The following THEMIS variants were observed in gnomAD, a reference collection of about 807,000 sequenced individuals.
THEMIS encodes the protein thymocyte selection associated.
Under a neutral mutation model 52.6 loss-of-function variants are expected in THEMIS, and 37 were observed. The ratio of observed to expected loss-of-function variants is 0.70; its 90% CI spans 0.54 to 0.93. The LOEUF (loss-of-function observed/expected upper bound fraction) is 0.93, where lower values mean the gene tolerates loss of function less well. THEMIS is among the 40% of genes least tolerant of loss of function. The probability of loss-of-function intolerance (pLI) is 0.00; values close to 1 mark genes in which losing one functional copy is unlikely to be tolerated. For synonymous variants in THEMIS, 292 were observed against 272.7 expected (o/e 1.07, Z -0.70); for missense variants, 808 against 763.1 (o/e 1.06, Z -0.69).
chr6:127,706,775 C>A (rs1773812324), downstream of THEMIS, among the ~76,000 whole-genome samples: 1 of 151,914 alleles, frequency 6.6e-6, no homozygotes, highest in Admixed American at 6.6e-5. Flanking sequence ...TGGATAAAGC[C>A]TAAAGGAAGT....
At chr6:127,729,401 A>G (rs1404473118) in intron 4 of THEMIS, among the ~76,000 whole-genome samples, 1 of 152,032 alleles carries the variant, frequency 6.6e-6, no homozygotes, top group Admixed American at 6.6e-5. Flanking sequence ...TTTCTCTTTT[A>G]TCAAAGCTCA....
chr6:127,916,894 A>G lies in THEMIS; in HGVS notation c.-150+1534T>C, dbSNP rs555108443. On this transcript the variant is annotated intron_variant, in intron 1 of 6. Transcript: ENST00000368250. ...CAAAAGTTGTTGTAGTTTTAAAAAC[A>G]CACTAAAAGTAATGGCAAAATCACA... Among the ~76,000 whole-genome samples the G allele has an allele frequency of 3.3e-5, 5 of 152,368 alleles. No individual in the cohort carries two copies. In the East Asian group the frequency reaches 9.7e-4, roughly 29 times the overall value.
At chr6:127,707,486 A>C (rs1045593508), downstream of THEMIS, among the ~76,000 whole-genome samples, 1 of 152,162 alleles carries the variant, frequency 6.6e-6, no homozygotes, top group Non-Finnish European at 1.5e-5. Flanking sequence ...AAGGGCAGGA[A>C]CAGGAAGAAT....
chr6:127,798,923 C>G (rs1463381136), intron 4 of THEMIS, among the ~76,000 whole-genome samples: 1 of 144,564 alleles, frequency 6.9e-6, no homozygotes, highest in South Asian at 2.2e-4. Flanking sequence ...ACCCGGGAGG[C>G]GGAGCTTGCA....
chr6:127,898,379 TA>T (rs1183589839), intron 1 of THEMIS, among the ~76,000 whole-genome samples: 6 of 151,758 alleles, frequency 4.0e-5, no homozygotes, highest in African/African-American at 1.4e-4. Flanking sequence ...ATAAATCCAA[TA>T]AAAATCCCAG....
chr6:127,855,258 C>A, intron 1 of THEMIS, 70 bp from the exon 2 acceptor site: 1 of 1,324,896 alleles, frequency 7.5e-7, no homozygotes, highest in Non-Finnish European at 1.0e-6. Flanking sequence ...GACTCAAAAG[C>A]TTAATATAAA....
intron 4 of THEMIS, among the ~76,000 whole-genome samples, chr6:127,723,669 T>TG (rs1248418160): frequency 6.6e-6 from 1 of 152,032 alleles, no homozygotes. Context: ...CCTTCCTGTC[T>TG]GAAGGCTTGG....
At chr6:127,745,653 T>G (rs945719774) in intron 4 of THEMIS, among the ~76,000 whole-genome samples, 2 of 152,006 alleles carry the variant, frequency 1.3e-5, no homozygotes, top group Non-Finnish European at 2.9e-5. Flanking sequence ...TGTGAGACTA[T>G]AGGTTGTTTC....
chr6:127,703,238 G>A (rs1446320954), downstream of THEMIS, among the ~76,000 whole-genome samples: 2 of 151,376 alleles, frequency 1.3e-5, no homozygotes, highest in Middle Eastern at 3.4e-3. Context: ...TAGTAGAGAC[G>A]GGGTTTCACC....
rs1401146469 is a variant in THEMIS at position 127,888,041 on chromosome 6, C to T, written c.91+12801G>A. Among the ~76,000 whole-genome samples, 6 of 152,036 alleles carry T rather than the reference C, an allele frequency of 3.9e-5. No homozygotes were observed. The East Asian group carries it at 9.7e-4, about 25-fold the overall frequency. ...ATAAAGAGGCAGCTGGGGTAAACCT[C>T]GTAGAGAAGGGAGTTAGTCAAGTCG... On this transcript the variant is annotated intron_variant, in intron 1 of 5. Coordinates refer to ENST00000368248, the MANE Select transcript of THEMIS (RefSeq NM_001010923.3).
chr6:127,769,507 G>A (rs1159556219), intron 4 of THEMIS, among the ~76,000 whole-genome samples: 1 of 152,050 alleles, frequency 6.6e-6, no homozygotes, highest in Non-Finnish European at 1.5e-5. Context: ...CACGCTGAAA[G>A]TCACAAAGCT....
intron 4 of THEMIS, among the ~76,000 whole-genome samples, chr6:127,791,208 G>A (rs1777144094): frequency 6.6e-6 from 1 of 152,152 alleles, no homozygotes; most frequent in South Asian, 2.1e-4. Context: ...AAGGTGAAGA[G>A]GTACTTTATT....
At chr6:127,710,099 G>T in intron 5 of THEMIS, 83 bp from the exon 6 acceptor site, 2 of 912,246 alleles carry the variant, frequency 2.2e-6, no homozygotes, top group Non-Finnish European at 3.2e-6. Flanking sequence ...AAATACTGTC[G>T]ACACTCACAT....
intron 4 of THEMIS, among the ~76,000 whole-genome samples, chr6:127,720,262 T>C (rs1774318782): frequency 6.6e-6 from 1 of 151,976 alleles, no homozygotes; most frequent in East Asian, 1.9e-4. Context: ...TCATAACATC[T>C]ACTATAAATT....
intron 1 of THEMIS, among the ~76,000 whole-genome samples, chr6:127,917,778 G>T (rs1781557017): frequency 6.6e-6 from 1 of 152,164 alleles, no homozygotes; most frequent in Admixed American, 6.5e-5. Flanking sequence ...CTGGAAATCA[G>T]AAATTGTGTC....
In THEMIS at chr6:127,834,992, C is replaced by T. The variant is rs559239726; in HGVS notation, c.251-5058G>A. On this transcript the variant is annotated intron_variant, in intron 2 of 5. Transcript: ENST00000368248. ...GCAGCGAGAGTGAGTAATAGACCTACGATGAGGAGAGAGAATGTGAGAAAT... is the reference window on the plus strand; with the variant it reads ...GCAGCGAGAGTGAGTAATAGACCTATGATGAGGAGAGAGAATGTGAGAAAT... 8.5e-5 allele frequency among the ~76,000 whole-genome samples: 13 copies of T among 152,188 alleles called. No homozygotes were observed. In the South Asian group the frequency reaches 1.5e-3, roughly 17 times the overall value.
At chr6:127,838,499 A>C (rs1042289465) in intron 2 of THEMIS, among the ~76,000 whole-genome samples, 1 of 151,994 alleles carries the variant, frequency 6.6e-6, no homozygotes, top group Non-Finnish European at 1.5e-5. Flanking sequence ...TTGCTATTAA[A>C]CATTTCTTCC....
At chr6:127,861,611 T>A (rs187938) in intron 1 of THEMIS, among the ~76,000 whole-genome samples, 1 of 151,112 alleles carries the variant, frequency 6.6e-6, no homozygotes, top group Non-Finnish European at 1.5e-5. Context: ...TGGTGAAACC[T>A]GTCTCTACTA....
chr6:127,745,301 T>C (rs1431726390), intron 4 of THEMIS, among the ~76,000 whole-genome samples: 5 of 151,856 alleles, frequency 3.3e-5, no homozygotes, highest in Non-Finnish European at 7.4e-5. Flanking sequence ...TAAAATGCTT[T>C]ATAGAGAAAA....
Sources: allele counts gnomAD v4.1 joint callset (sites outside exome capture counted in the v4.1 genomes callset), GRCh38; gene constraint gnomAD v4.1.1; transcripts MANE v1.5; gene names NCBI Gene and HGNC (gene_info 2026-07-23, HGNC 2026-07-21).